Variants in UGCG observed in about 807,000 individuals in gnomAD.
UGCG encodes UDP-glucose ceramide glucosyltransferase.
Under a neutral mutation model 49.5 loss-of-function variants are expected in UGCG, and 10 were observed. The ratio of observed to expected loss-of-function variants is 0.20; its 90% CI spans 0.12 to 0.34. UGCG has a LOEUF of 0.34. Ranked by LOEUF, UGCG falls within the 10% of genes least tolerant of loss-of-function variation. The pLI is 1.00. For synonymous variants in UGCG, 182 were observed against 158.2 expected (o/e 1.15, Z -1.13); for missense variants, 312 against 483.7 (o/e 0.65, Z 3.33).
rs1838467219 is a variant in UGCG, at chr9:111,933,702, A to G, written c.*705A>G. 6.6e-6 allele frequency: 1 copy of G among 152,186 alleles called. No individual in the cohort carries two copies. Among genetic ancestry groups the G allele is most frequent in the Non-Finnish European group, 1.5e-5 (1 of 68,034 alleles). The allele number at this position is 152,186 out of a possible 1,614,324, so 9.4% of individuals were successfully genotyped here. A position where few individuals can be genotyped will look rare whatever the true frequency, so the allele number is the denominator to read the frequency against. On this transcript the variant is annotated 3_prime_UTR_variant, in exon 9 of 9. Transcript: ENST00000374279. ...CAAAAGCGGCTGAGTTTGGTTTTTA[A>G]TTGTAGCCATGTATTGAAGGCATCT...
chr9:111,900,120 ATTT>A (rs11365963), intron 1 of UGCG, among the ~76,000 whole-genome samples: 40 of 145,944 alleles, frequency 2.7e-4, no homozygotes, highest in African/African-American at 1.8e-4. Flanking sequence ...TTATGGGTTA[ATTT>A]TTTTTTTTTT....
At chr9:111,926,620 C>T (rs1388753778) in intron 5 of UGCG, 124 bp downstream of exon 5, 1 of 622,890 alleles carries the variant, frequency 1.6e-6, no homozygotes, top group African/African-American at 1.9e-5. Flanking sequence ...TGGGAACCTG[C>T]TGTGTTCTAG....
At chr9:111,918,959 AAAC>A (rs916719908) in intron 2 of UGCG, among the ~76,000 whole-genome samples, 7 of 151,610 alleles carry the variant, frequency 4.6e-5, no homozygotes, top group Admixed American at 4.6e-4. Context: ...AAACAAAAAA[AAAC>A]ACTTCAAACC....
intron 7 of UGCG, 169 bp from the exon 8 acceptor site, chr9:111,932,001 C>A: frequency 2.9e-6 from 2 of 680,590 alleles, no homozygotes; most frequent in Middle Eastern, 4.2e-4. Context: ...GCCTGGGTGA[C>A]AGAGCAGAAC....
intron 1 of UGCG, among the ~76,000 whole-genome samples, chr9:111,906,507 A>G (rs1205203549): frequency 6.6e-6 from 1 of 151,848 alleles, no homozygotes; most frequent in Admixed American, 6.6e-5. Context: ...TCGGCTCACC[A>G]CAACCTCTGC....
At chr9:111,927,391 C>T (rs896615382) in intron 5 of UGCG, among the ~76,000 whole-genome samples, 2 of 151,312 alleles carry the variant, frequency 1.3e-5, no homozygotes, top group Non-Finnish European at 2.9e-5. Flanking sequence ...TGCAAAAAAA[C>T]AAAAACCAAC....
At chr9:111,931,507 T>G in intron 7 of UGCG, 150 bp downstream of exon 7, 8 of 662,624 alleles carry the variant, frequency 1.2e-5, no homozygotes, top group Non-Finnish European at 2.5e-6. Context: ...CGTCTGTGTT[T>G]AAGATAAATT....
At chr9:111,910,050 G>A (rs1435944730) in intron 1 of UGCG, among the ~76,000 whole-genome samples, 1 of 152,184 alleles carries the variant, frequency 6.6e-6, no homozygotes, top group African/African-American at 2.4e-5. Flanking sequence ...TGTTGAGAGA[G>A]TCAGAATGAA....
intron 1 of UGCG, among the ~76,000 whole-genome samples, chr9:111,906,530 A>G (rs1471388829): frequency 1.3e-5 from 2 of 152,070 alleles, no homozygotes; most frequent in Admixed American, 6.5e-5. Flanking sequence ...CCTGGGTTCA[A>G]GTGATTCTCC....
chr9:111,916,476 G>A (rs183144878), intron 2 of UGCG, among the ~76,000 whole-genome samples: 18 of 152,112 alleles, frequency 1.2e-4, no homozygotes, highest in East Asian at 3.9e-4. Flanking sequence ...TTTTGTGTTC[G>A]TTTTTGTTTT....
At chr9:111,915,370 T>G (rs1035294022) in intron 2 of UGCG, among the ~76,000 whole-genome samples, 2 of 152,252 alleles carry the variant, frequency 1.3e-5, no homozygotes, top group Admixed American at 1.3e-4. Flanking sequence ...TTTATCACTT[T>G]GCTTTAGTAG....
intron 2 of UGCG, among the ~76,000 whole-genome samples, chr9:111,915,275 TTATC>T (rs1838092203): frequency 6.6e-6 from 1 of 152,246 alleles, no homozygotes; most frequent in Non-Finnish European, 1.5e-5. Context: ...CTTATACCAT[TTATC>T]TATATAATCT....
chr9:111,911,936 A>AG (rs1218402358), intron 1 of UGCG, among the ~76,000 whole-genome samples: 1 of 27,728 alleles, frequency 3.6e-5, no homozygotes, highest in Non-Finnish European at 6.5e-5. Flanking sequence ...ATATATATAT[A>AG]TATATATATA....
At chr9:111,902,737 T>C (rs1837800843) in intron 1 of UGCG, among the ~76,000 whole-genome samples, 2 of 152,124 alleles carry the variant, frequency 1.3e-5, no homozygotes, top group Non-Finnish European at 2.9e-5. Context: ...CTTTTGCCCT[T>C]GTGGAATTCA....
At chr9:111,929,337 G>A in intron 5 of UGCG, 163 bp from the exon 6 acceptor site, 2 of 627,604 alleles carry the variant, frequency 3.2e-6, no homozygotes, top group South Asian at 3.3e-5. Context: ...CTTGCTCTAT[G>A]AAAGCAATAT....
intron 1 of UGCG, among the ~76,000 whole-genome samples, chr9:111,913,159 C>T (rs542365365): frequency 6.6e-6 from 1 of 152,272 alleles, no homozygotes; most frequent in Admixed American, 6.5e-5. Context: ...CTGCCATCTG[C>T]CTGGCAGCAA....
At position 111,929,697 on chromosome 9, in the gene UGCG, G is replaced by A; in HGVS notation, c.737+19G>A. ...CTGACCGGTAAGACAACTAAATGAA[G>A]CCATAGTATTTTTATTACCTAACTT... On this transcript the variant is annotated intron_variant, in intron 6 of 8. Coordinates refer to ENST00000374279, the MANE Select transcript of UGCG (RefSeq NM_003358.3). The A allele has an allele frequency of 1.2e-6, 2 of 1,609,040 alleles. No homozygotes were observed. The highest frequency in any genetic ancestry group is 1.7e-5 in the Admixed American group (1 of 58,602).
intron 2 of UGCG, among the ~76,000 whole-genome samples, chr9:111,920,853 A>C (rs905326093): frequency 2.0e-5 from 3 of 151,872 alleles, no homozygotes; most frequent in Non-Finnish European, 2.9e-5. Context: ...CATGGACATA[A>C]TTAACCTCCC....
At chr9:111,917,674 G>T (rs1440334299) in intron 2 of UGCG, among the ~76,000 whole-genome samples, 3 of 152,178 alleles carry the variant, frequency 2.0e-5, no homozygotes, top group Non-Finnish European at 4.4e-5. Flanking sequence ...ACTGGTACTT[G>T]CTCTGAATTT....
Sources: gnomAD v4.1 joint callset for allele counts (sites outside exome capture counted in the v4.1 genomes callset) on GRCh38, gnomAD v4.1.1 for gene constraint, MANE v1.5 for transcripts, NCBI Gene and HGNC (gene_info 2026-07-23, HGNC 2026-07-21) for gene names.